The following NHSL2 variants were observed in gnomAD, a reference collection of about 807,000 sequenced individuals.
NHSL2 encodes NHS-like protein 2.
NHSL2 carries 27 observed loss-of-function variants against 53.4 expected under a neutral mutation model. That is an observed-to-expected ratio of 0.51 (90% CI 0.37 to 0.70). NHSL2 has a LOEUF of 0.70. NHSL2 is among the 30% of genes least tolerant of loss of function. NHSL2 has a pLI of 0.00. For missense variants in NHSL2, 892 were observed against 980.1 expected, an observed-to-expected ratio of 0.91 and a Z score of 1.20; for synonymous variants, 408 against 404.1, an observed-to-expected ratio of 1.01 and a Z score of -0.12.
chrX:72,123,397 G>A (rs182263442), intron 1 of NHSL2, among the ~76,000 whole-genome samples: 4 of 111,949 alleles, frequency 3.6e-5, no homozygotes, highest in Admixed American at 9.4e-5. Context: ...TTTTGTAGAG[G>A]AGCAGCAAGG....
intron 1 of NHSL2, among the ~76,000 whole-genome samples, chrX:72,074,570 TTTC>T (rs772680874): frequency 1.2e-4 from 13 of 112,106 alleles, no homozygotes; most frequent in Non-Finnish European, 2.4e-4. Flanking sequence ...ATGCCCACAT[TTTC>T]TGGGCCAGAA....
At chrX:72,124,217 C>T (rs2042204348) in intron 1 of NHSL2, among the ~76,000 whole-genome samples, 1 of 109,907 alleles carries the variant, frequency 9.1e-6, no homozygotes, top group South Asian at 4.1e-4. Flanking sequence ...CCTCAGGAGC[C>T]ACTTCTGGCG....
Position 72,138,459 on chromosome X carries a change from C to G in NHSL2, c.911C>G (p.Ala304Gly), listed in dbSNP as rs1018812740. The part of the protein sequence containing the change: ...QRDQGHSNSP[A>G]GSVAHSTTSD... ...CCTCCAGGTCACAGCAACAGCCCAG[C>G]AGGCAGTGTGGCCCACTCTACCACC... The change falls in exon 6 of 8, where the codon GCA becomes GGA. Residue 304 changes from alanine (A) to glycine (G), a missense_variant. Ala to Gly is a moderately conservative substitution (Grantham distance 60). Transcript: ENST00000633930. The G allele has an allele frequency of 2.6e-6, 3 of 1,150,158 alleles. No individual in the cohort carries two copies. The South Asian group carries it at 6.0e-5, about 23-fold the overall frequency. The allele number at this position is 1,150,158 out of a possible 1,213,427, so 94.8% of individuals were successfully genotyped here. A position where few individuals can be genotyped will look rare whatever the true frequency, so the allele number is the denominator to read the frequency against.
Position 71,925,626 on chromosome X carries a change from T to C in NHSL2, c.280+14259T>C, listed in dbSNP as rs187712348. On this transcript the variant is annotated intron_variant, in intron 1 of 7. Coordinates refer to ENST00000633930, the MANE Select transcript of NHSL2 (RefSeq NM_001013627.3). ...CCTCATCTTACTTTTATACTTGAGA[T>C]GACACTCCTTTTCTAATTTAAAAAA... Among the ~76,000 whole-genome samples, 461 of 111,552 alleles carry C rather than the reference T, an allele frequency of 4.1e-3. 2 individuals carry two copies. The highest frequency in any genetic ancestry group is 0.028 in the Middle Eastern group (6 of 217).
chrX:72,134,575 C>A lies in NHSL2; in HGVS notation c.631C>A (p.Leu211Met). Residue 211 changes from leucine (L) to methionine (M), a missense_variant, in exon 4 of 8, where the codon CTG (leucine) becomes ATG (methionine). Transcript: ENST00000633930. ...TQGVRAPEASLSLSTTADKQT... is the reference protein window; with the variant it reads ...TQGVRAPEASMSLSTTADKQT... ...GGGTGTGAGGGCCCCCGAGGCCTCC[C>A]TGAGCCTGTCTACCACAGCCGACAA... is the stretch of plus-strand genomic sequence containing the variant. 8.6e-7 allele frequency: 1 copy of A among 1,166,003 alleles called. No homozygotes were observed. The highest frequency in any genetic ancestry group is 1.1e-6 in the Non-Finnish European group (1 of 870,856).
chrX:72,020,378 G>T (rs1217567757), intron 1 of NHSL2, among the ~76,000 whole-genome samples: 1 of 112,678 alleles, frequency 8.9e-6, no homozygotes, highest in Admixed American at 9.3e-5. Flanking sequence ...AGAGATGTTG[G>T]CTGGGACCCC....
chrX:72,092,480 G>A (rs1043861162), intron 1 of NHSL2, among the ~76,000 whole-genome samples: 1 of 111,920 alleles, frequency 8.9e-6, no homozygotes, highest in African/African-American at 3.3e-5. Context: ...CACCTCACGG[G>A]CCTCTGGGCA....
chrX:72,104,593 G>A (rs1340531016), intron 1 of NHSL2, among the ~76,000 whole-genome samples: 1 of 112,117 alleles, frequency 8.9e-6, no homozygotes, highest in Non-Finnish European at 1.9e-5. Flanking sequence ...GGTTGCCCAA[G>A]GTGACGCTGA....
chrX:71,999,504 G>GA (rs761124443), intron 1 of NHSL2, among the ~76,000 whole-genome samples: 5 of 111,990 alleles, frequency 4.5e-5, no homozygotes, highest in African/African-American at 1.6e-4. Context: ...TGAGAAAACA[G>GA]AAGACAAACT....
At chrX:71,982,434 T>C (rs767139527) in intron 1 of NHSL2, among the ~76,000 whole-genome samples, 2 of 111,996 alleles carry the variant, frequency 1.8e-5, no homozygotes, top group East Asian at 5.6e-4. Context: ...CGAAAATCCT[T>C]GGAGTCTCCA....
intron 1 of NHSL2, among the ~76,000 whole-genome samples, chrX:72,089,018 A>G (rs2041874160): frequency 9.0e-6 from 1 of 111,451 alleles, no homozygotes; most frequent in Admixed American, 9.5e-5. Flanking sequence ...TACTGTGCAC[A>G]GAGTCATTGA....
At chrX:72,122,755 C>G (rs2042191236) in intron 1 of NHSL2, among the ~76,000 whole-genome samples, 1 of 111,898 alleles carries the variant, frequency 8.9e-6, no homozygotes, top group Admixed American at 9.5e-5. Context: ...CAAGTTCCTG[C>G]TTTGTCTCCC....
At chrX:72,064,226 C>T (rs984424712) in intron 1 of NHSL2, among the ~76,000 whole-genome samples, 1 of 111,662 alleles carries the variant, frequency 9.0e-6, no homozygotes, top group African/African-American at 3.3e-5. Flanking sequence ...GAGGGGTAGC[C>T]GCTGGCAGGC....
chrX:72,096,402 T>C (rs1331591361), intron 1 of NHSL2, among the ~76,000 whole-genome samples: 1 of 111,939 alleles, frequency 8.9e-6, no homozygotes, highest in Non-Finnish European at 1.9e-5. Flanking sequence ...TGAGGTACAA[T>C]GTATGGAGGG....
intron 1 of NHSL2, among the ~76,000 whole-genome samples, chrX:71,955,711 A>G (rs1161638488): frequency 9.1e-6 from 1 of 109,413 alleles, no homozygotes; most frequent in African/African-American, 3.4e-5. Flanking sequence ...CTGTGAGAGG[A>G]GGGAAAATGA....
Position 72,149,016 on chromosome X carries a change from T to C in NHSL2, c.*5442T>C, listed in dbSNP as rs573640346. 3.6e-5 allele frequency: 4 copies of C among 110,663 alleles called. No homozygotes were observed. The highest frequency in any genetic ancestry group is 5.7e-4 in the East Asian group (2 of 3,529). 9.1% of individuals were successfully genotyped at this position (110,663 alleles called of 1,213,427 possible). On this transcript the variant is annotated 3_prime_UTR_variant, in exon 8 of 8. Transcript: ENST00000633930. ...TCTGGCCAAGAGGTGTATATTGTTA[T>C]CTTGGTCAGGCATATGTTTGCTTGG...
At chrX:72,075,562 A>C (rs6653181) in intron 1 of NHSL2, among the ~76,000 whole-genome samples, 178 of 111,988 alleles carry the variant, frequency 1.6e-3, no homozygotes, top group African/African-American at 5.5e-3. Flanking sequence ...TCTTCCTCTA[A>C]AATGCTTGAA....
chrX:72,127,939 G>C (rs1303458204), intron 1 of NHSL2: 4 of 112,966 alleles, frequency 3.5e-5, no homozygotes, highest in Non-Finnish European at 5.6e-5. Context: ...AAGGAAAGCA[G>C]CAAAGTGTTA....
intron 1 of NHSL2, among the ~76,000 whole-genome samples, chrX:71,975,704 C>T (rs28688195): frequency 9.0e-6 from 1 of 110,790 alleles, no homozygotes; most frequent in African/African-American, 3.3e-5. Context: ...TTCCTCCCAG[C>T]ATCCTGGTTT....
Sources: allele counts gnomAD v4.1 joint callset (sites outside exome capture counted in the v4.1 genomes callset), GRCh38; gene constraint gnomAD v4.1.1; transcripts MANE v1.5; gene names NCBI Gene and HGNC (gene_info 2026-07-23, HGNC 2026-07-21).